Variants in PAX3 observed in about 807,000 individuals in gnomAD.
The protein encoded by PAX3 is paired box 3, also known as paired box protein Pax-3.
A neutral mutation model predicts 51.6 loss-of-function variants in PAX3; 14 were observed. The observed-to-expected ratio is 0.27, with a 90% CI of 0.18 to 0.42. The LOEUF is 0.42. PAX3 is among the 10% of genes least tolerant of loss of function. The probability of loss-of-function intolerance (pLI) is 1.00; values close to 1 mark genes in which losing one functional copy is unlikely to be tolerated. For missense variants in PAX3, 540 were observed against 642.8 expected (o/e 0.84, Z 1.73); for synonymous variants, 280 against 253.4 (o/e 1.11, Z -1.00).
intron 4 of PAX3, among the ~76,000 whole-genome samples, chr2:222,276,033 A>G (rs937506961): frequency 3.3e-5 from 5 of 152,326 alleles, no homozygotes; most frequent in African/African-American, 1.2e-4. Context: ...CCTTCTCTTC[A>G]AGACCAGACA....
chr2:222,297,149 C>T lies in PAX3; in HGVS notation c.150G>A (p.Pro50=), dbSNP rs778990733. 21 of 1,604,874 alleles carry T rather than the reference C, an allele frequency of 1.3e-5. No homozygotes were observed. In the South Asian group the frequency reaches 1.6e-4, roughly 12 times the overall value. ...QLGGVFINGR[P]LPNHIRHKIV... The stretch of plus-strand genomic sequence containing the variant: ...TCTTGTGGCGGATGTGGTTGGGCAG[C>T]GGCCTGCCGTTGATAAAAACACCGC... Residue 50 remains proline, a synonymous_variant, in exon 2 of 9, where the codon CCG becomes CCA. Coordinates refer to ENST00000392070, the MANE Select transcript of PAX3 (RefSeq NM_181458.4).
chr2:222,242,151 G>A (rs988821684), intron 4 of PAX3, among the ~76,000 whole-genome samples: 2 of 151,996 alleles, frequency 1.3e-5, no homozygotes, highest in South Asian at 2.1e-4. Flanking sequence ...AGGGGATTTC[G>A]CTTATGTTTT....
At chr2:222,260,024 G>A (rs555720309) in intron 4 of PAX3, among the ~76,000 whole-genome samples, 13 of 151,902 alleles carry the variant, frequency 8.6e-5, no homozygotes, top group African/African-American at 2.9e-4. Context: ...ACACACCACC[G>A]GGCCTGGATA....
At chr2:222,275,439 CA>C (rs11345696) in intron 4 of PAX3, among the ~76,000 whole-genome samples, 33,326 of 148,114 alleles carry the variant, frequency 0.23, 4,138 homozygotes, top group South Asian at 0.38. Flanking sequence ...TTGTCTAGAA[CA>C]AAAAAAAAAC....
intron 7 of PAX3, among the ~76,000 whole-genome samples, chr2:222,203,588 C>A (rs772355950): frequency 4.6e-5 from 7 of 152,020 alleles, no homozygotes; most frequent in Non-Finnish European, 1.0e-4. Context: ...ATAATTCAGG[C>A]AATAGAACCT....
At chr2:222,275,711 A>G (rs184384774) in intron 4 of PAX3, among the ~76,000 whole-genome samples, 9 of 152,338 alleles carry the variant, frequency 5.9e-5, no homozygotes, top group Admixed American at 5.2e-4. Flanking sequence ...TAACAAAAAA[A>G]ATATTTCTTA....
At chr2:222,217,200 A>T (rs116575672) in intron 7 of PAX3, among the ~76,000 whole-genome samples, 8 of 152,126 alleles carry the variant, frequency 5.3e-5, no homozygotes, top group African/African-American at 1.7e-4. Context: ...TTTTAAGCAA[A>T]TTTTTTTTAT....
chr2:222,271,724 T>A (rs1160458319), intron 4 of PAX3, among the ~76,000 whole-genome samples: 2 of 152,178 alleles, frequency 1.3e-5, no homozygotes, highest in Non-Finnish European at 2.9e-5. Flanking sequence ...TAATTCTCAA[T>A]AAAGCTGAGG....
Position 222,202,161 on chromosome 2 carries a change from C to G in PAX3, c.1203G>C (p.Gly401=). 1 of 1,606,076 alleles carries G rather than the reference C, an allele frequency of 6.2e-7. No homozygotes were observed. Residue 401 remains glycine, a synonymous_variant, in exon 8 of 9, where the codon GGG becomes GGC. Transcript: ENST00000392070. ...AATCAGTCTGGGGCTGATGAGGTAC[C>G]CCACCGTGGTTGGTCAGGAGTCCCA... ...QVMGLLTNHG[G]VPHQPQTDYA...
chr2:222,227,917 A>T (rs1416530493), intron 5 of PAX3, among the ~76,000 whole-genome samples: 1 of 152,072 alleles, frequency 6.6e-6, no homozygotes, highest in Non-Finnish European at 1.5e-5. Flanking sequence ...TATTTAGAAG[A>T]GTGTAGAAAT....
intron 7 of PAX3, among the ~76,000 whole-genome samples, chr2:222,203,654 G>A (rs564148883): frequency 2.4e-4 from 36 of 152,136 alleles, no homozygotes; most frequent in African/African-American, 7.5e-4. Context: ...GGCGGGGGGC[G>A]GGTCTAGTTT....
At chr2:222,297,752 T>C (rs1695382744) in intron 1 of PAX3, among the ~76,000 whole-genome samples, 1 of 152,214 alleles carries the variant, frequency 6.6e-6, no homozygotes, top group South Asian at 2.1e-4. Context: ...ACCTGTTACA[T>C]CTTGGGACAG....
chr2:222,261,370 C>T (rs1040529505), intron 4 of PAX3, among the ~76,000 whole-genome samples: 3 of 151,972 alleles, frequency 2.0e-5, no homozygotes, highest in Non-Finnish European at 4.4e-5. Context: ...AATTTTAATC[C>T]TATTTGAAAT....
chr2:222,255,122 T>TGCC, intron 4 of PAX3, among the ~76,000 whole-genome samples: 1 of 152,220 alleles, frequency 6.6e-6, no homozygotes, highest in South Asian at 2.1e-4. Flanking sequence ...CAGGGCAAGT[T>TGCC]GCAGCATTAA....
chr2:222,215,376 AC>A (rs1322625390), intron 7 of PAX3, among the ~76,000 whole-genome samples: 12 of 152,196 alleles, frequency 7.9e-5, no homozygotes, highest in Non-Finnish European at 1.6e-4. Flanking sequence ...CATTTTGTAT[AC>A]TACAAAACAA....
chr2:222,254,554 TA>T (rs1391589871), intron 4 of PAX3, among the ~76,000 whole-genome samples: 1 of 152,196 alleles, frequency 6.6e-6, no homozygotes, highest in East Asian at 1.9e-4. Context: ...GGATCTGCCC[TA>T]AACTGATGTC....
chr2:222,291,182 T>G (rs1359766102), intron 4 of PAX3, among the ~76,000 whole-genome samples: 1 of 152,072 alleles, frequency 6.6e-6, no homozygotes, highest in African/African-American at 2.4e-5. Context: ...GAGCGGCCGC[T>G]GCGCAGGGCG....
chr2:222,221,085 G>A (rs2106073890), intron 6 of PAX3, 137 bp downstream of exon 6: 2 of 831,948 alleles, frequency 2.4e-6, no homozygotes, highest in South Asian at 2.7e-5. Context: ...AAATGTGATA[G>A]GTACGTTCAG....
At chr2:222,226,896 GC>G (rs1363835083) in intron 5 of PAX3, among the ~76,000 whole-genome samples, 2 of 151,622 alleles carry the variant, frequency 1.3e-5, no homozygotes, top group Middle Eastern at 3.2e-3. Context: ...AAAGCCAGAG[GC>G]CCTTTCTCTA....
Sources: gnomAD v4.1 joint callset for allele counts (sites outside exome capture counted in the v4.1 genomes callset) on GRCh38, gnomAD v4.1.1 for gene constraint, MANE v1.5 for transcripts, NCBI Gene and HGNC (gene_info 2026-07-23, HGNC 2026-07-21) for gene names.